Variants in RYR2 observed in about 807,000 individuals in gnomAD.
RYR2 encodes cardiac muscle ryanodine receptor-calcium release channel.
Under a neutral mutation model 601.1 loss-of-function variants are expected in RYR2, and 227 were observed. The ratio of observed to expected loss-of-function variants is 0.38; its 90% confidence interval spans 0.34 to 0.42. The LOEUF (loss-of-function observed/expected upper bound fraction) is 0.42, where lower values mean the gene tolerates loss of function less well. Among genes scored for constraint, RYR2 ranks in the 10% least tolerant of loss-of-function variants. The pLI is 1.00. For synonymous variants in RYR2, 2,223 were observed against 2,175.1 expected (o/e 1.02, Z -0.61); for missense variants, 4,646 against 6,156.5 (o/e 0.75, Z 8.21).
chr1:237,818,648 CA>C (rs1662101091), intron 100 of RYR2, among the ~76,000 whole-genome samples: 2 of 151,790 alleles, frequency 1.3e-5, no homozygotes. Context: ...CTGACCTTTC[CA>C]ATGTCTGTTA....
chr1:237,423,575 C>A (rs147462921), intron 12 of RYR2, among the ~76,000 whole-genome samples: 159 of 152,102 alleles, frequency 1.0e-3, no homozygotes, highest in African/African-American at 3.6e-3. Flanking sequence ...ACCTATTATA[C>A]GTCATCAAAT....
chr1:237,154,108 T>C (rs1675038939), intron 1 of RYR2, among the ~76,000 whole-genome samples: 1 of 152,220 alleles, frequency 6.6e-6, no homozygotes, highest in South Asian at 2.1e-4. Context: ...ATAACATTGC[T>C]AACTTCCAGT....
intron 84 of RYR2, among the ~76,000 whole-genome samples, chr1:237,765,467 GTA>G (rs1693778368): frequency 6.6e-6 from 1 of 152,004 alleles, no homozygotes; most frequent in African/African-American, 2.4e-5. Flanking sequence ...CTTTCTATCT[GTA>G]TCTGATAATT....
intron 25 of RYR2, among the ~76,000 whole-genome samples, chr1:237,538,629 G>A (rs894139526): frequency 1.3e-4 from 19 of 151,542 alleles, no homozygotes; most frequent in African/African-American, 3.6e-4. Context: ...AAAATTAGCT[G>A]GGCGTGGTGG....
intron 40 of RYR2, among the ~76,000 whole-genome samples, 181 bp from the exon 41 acceptor site, chr1:237,627,626 A>T (rs1440817482): frequency 6.6e-6 from 1 of 152,208 alleles, no homozygotes; most frequent in Non-Finnish European, 1.5e-5. Flanking sequence ...ATTGTAACTG[A>T]TCTGTATTGA....
intron 44 of RYR2, 132 bp downstream of exon 44, chr1:237,635,124 C>A: frequency 1.7e-6 from 1 of 604,324 alleles, no homozygotes; most frequent in South Asian, 3.2e-5. Context: ...GCCAAAACCG[C>A]AATTAATTTT....
chr1:237,070,187 T>C (rs1346785130), intron 1 of RYR2, among the ~76,000 whole-genome samples: 1 of 152,010 alleles, frequency 6.6e-6, no homozygotes, highest in Non-Finnish European at 1.5e-5. Flanking sequence ...TGAGCCACCA[T>C]GCCTGGACTG....
At chr1:237,830,933 G>C (rs1663699030) in intron 103 of RYR2, among the ~76,000 whole-genome samples, 1 of 152,034 alleles carries the variant, frequency 6.6e-6, no homozygotes, top group South Asian at 2.1e-4. Flanking sequence ...GAATTCTTAG[G>C]CTGCTTCCTA....
intron 47 of RYR2, among the ~76,000 whole-genome samples, chr1:237,641,405 G>A (rs118112962): frequency 6.6e-6 from 1 of 152,346 alleles, no homozygotes; most frequent in East Asian, 1.9e-4. Flanking sequence ...TTAGGGGAAA[G>A]TGAGAGGGAA....
chr1:237,128,727 C>T (rs1671815340), intron 1 of RYR2, among the ~76,000 whole-genome samples: 2 of 152,058 alleles, frequency 1.3e-5, no homozygotes, highest in South Asian at 4.1e-4. Context: ...TGGGAAGGAC[C>T]AAAATACAAT....
intron 100 of RYR2, among the ~76,000 whole-genome samples, chr1:237,813,723 TCTGAACTATGGA>T (rs1318342560): frequency 2.0e-5 from 3 of 152,202 alleles, no homozygotes; most frequent in Non-Finnish European, 4.4e-5. Flanking sequence ...CTGTTGATGT[TCTGAACTATGGA>T]CTTAGCTAGA....
chr1:237,061,211 TTCTATCTATCTATCTA>T (rs55747600), intron 1 of RYR2, among the ~76,000 whole-genome samples: 6 of 104,204 alleles, frequency 5.8e-5, no homozygotes, highest in South Asian at 3.2e-4. Flanking sequence ...AATACGGTTG[TTCTATCTATCTATCTA>T]TCTATCTATC....
chr1:237,778,915 C>G (rs1694879388), intron 88 of RYR2, 145 bp downstream of exon 88: 1 of 508,512 alleles, frequency 2.0e-6, no homozygotes, highest in Non-Finnish European at 3.5e-6. Flanking sequence ...TTTTATCATG[C>G]CTCTTTTGCT....
chr1:237,672,626 A>G (rs1183321561), intron 58 of RYR2, among the ~76,000 whole-genome samples: 2 of 152,324 alleles, frequency 1.3e-5, no homozygotes, highest in Admixed American at 1.3e-4. Flanking sequence ...CTGCTCTTGT[A>G]GCTATTTGAA....
At chr1:237,830,664 C>A (rs757166535) in intron 103 of RYR2, 34 bp downstream of exon 103, 9 of 1,045,622 alleles carry the variant, frequency 8.6e-6, no homozygotes, top group Non-Finnish European at 1.2e-5. Flanking sequence ...TTCCACCTCT[C>A]CAGTAGACGC....
chr1:237,652,036 A>G (rs1443995656), intron 51 of RYR2, among the ~76,000 whole-genome samples: 1 of 152,224 alleles, frequency 6.6e-6, no homozygotes, highest in African/African-American at 2.4e-5. Context: ...ACTCCGTCAA[A>G]AAAAGAAAAA....
rs115314349 is a variant in RYR2 at position 237,073,980 on chromosome 1, C to T, written c.48+31411C>T. On this transcript the variant is annotated intron_variant, in intron 1 of 104. Coordinates refer to ENST00000366574, the MANE Select transcript of RYR2 (RefSeq NM_001035.3). ...AAAATTAATTTCACCTTTTCCTTTT[C>T]GTCGTATTTTTTTTAACCATGGCTA... Among the ~76,000 whole-genome samples the T allele has an allele frequency of 7.9e-4, 119 of 150,002 alleles. No individual in the cohort carries two copies. In the East Asian group the frequency reaches 0.013, roughly 17 times the overall value.
intron 80 of RYR2, chr1:237,743,742 TC>T (rs1163439866): frequency 6.9e-6 from 3 of 437,480 alleles, no homozygotes; most frequent in African/African-American, 6.0e-5. Flanking sequence ...TGAAAATCTT[TC>T]TACAAGTTTG....
intron 3 of RYR2, among the ~76,000 whole-genome samples, chr1:237,331,208 G>A (rs940352289): frequency 2.0e-5 from 3 of 152,114 alleles, no homozygotes; most frequent in African/African-American, 7.2e-5. Flanking sequence ...ACTAGGCCTC[G>A]TGCTTATGTC....
Sources: allele counts gnomAD v4.1 joint callset (sites outside exome capture counted in the v4.1 genomes callset), GRCh38; gene constraint gnomAD v4.1.1; transcripts MANE v1.5; gene names NCBI Gene and HGNC (gene_info 2026-07-23, HGNC 2026-07-21).